CHST8: variants seen among roughly 807,000 people sequenced by gnomAD.
The protein encoded by CHST8 is GALNAC-4-ST1.
A neutral mutation model predicts 15.0 loss-of-function variants in CHST8; 10 were observed. That is an observed-to-expected ratio of 0.67 (90% CI 0.41 to 1.13). The LOEUF (loss-of-function observed/expected upper bound fraction) is 1.13, where lower values mean the gene tolerates loss of function less well. Among genes scored for constraint, CHST8 ranks in the 50% most tolerant of loss-of-function variants. The pLI, the probability that CHST8 is intolerant of heterozygous loss-of-function variation, is 0.00. For missense variants in CHST8, 634 were observed against 608.2 expected (o/e 1.04, Z -0.45); for synonymous variants, 259 against 256.6 (o/e 1.01, Z -0.09).
rs869057036 is a variant in CHST8 at position 33,650,518 on chromosome 19, C to CTTTTTTTTTTT, written c.-163-17230_-163-17220dup. ...TTCTTTTTCTTTTTCTTTTTCTTTT[C>CTTTTTTTTTTT]TTTTTTTTTTTTTTTTTTTTTTTTT... On this transcript the variant is annotated intron_variant, in intron 1 of 4. Transcript: ENST00000650847. Among the ~76,000 whole-genome samples, 248 of 36,138 alleles carry CTTTTTTTTTTT rather than the reference C, an allele frequency of 6.9e-3. 25 individuals carry two copies. Among genetic ancestry groups the CTTTTTTTTTTT allele is most frequent in the Non-Finnish European group, 9.1e-3 (190 of 20,918 alleles). The allele number at this position is 36,138 out of a possible 152,430, so 23.7% of individuals were successfully genotyped here.
chr19:33,757,386 A>AGAAGAAAG lies in CHST8; in HGVS notation c.131-14026_131-14019dup, dbSNP rs1974568981. Among the ~76,000 whole-genome samples the AGAAGAAAG allele has an allele frequency of 8.4e-5, 8 of 95,106 alleles. 2 individuals carry two copies. Among genetic ancestry groups the AGAAGAAAG allele is most frequent in the Non-Finnish European group, 1.5e-4 (7 of 46,300 alleles). The allele number at this position is 95,106 out of a possible 152,430, so 62.4% of individuals were successfully genotyped here. On this transcript the variant is annotated intron_variant, in intron 3 of 4. Coordinates refer to ENST00000650847, the MANE Select transcript of CHST8 (RefSeq NM_001127895.2). ...CAGAGTGAGACGCGGTCTCAAAAAA[A>AGAAGAAAG]GAAGAAAGAAAGAAAGAAAGAAAGA...
In CHST8 at chr19:33,700,149, T is replaced by C. The variant is rs539641593; in HGVS notation, c.130+10758T>C. ...CCAGTTTCCATGGAGCCGGCTGCTT[T>C]CCCCGGGCAGGTGGGTTTTATTGGA... On this transcript the variant is annotated intron_variant, in intron 3 of 4. Coordinates refer to ENST00000650847, the MANE Select transcript of CHST8 (RefSeq NM_001127895.2). Among the ~76,000 whole-genome samples, 4 of 152,312 alleles carry C rather than the reference T, an allele frequency of 2.6e-5. No individual in the cohort carries two copies. In the South Asian group the frequency reaches 8.3e-4, roughly 32 times the overall value.
intron 3 of CHST8, among the ~76,000 whole-genome samples, chr19:33,720,156 G>A (rs961637296): frequency 2.0e-5 from 3 of 152,088 alleles, no homozygotes; most frequent in Non-Finnish European, 2.9e-5. Context: ...CATGGGGAGG[G>A]ACAGGAGGGA....
chr19:33,677,327 T>G (rs1020802849), intron 2 of CHST8, among the ~76,000 whole-genome samples: 1 of 152,228 alleles, frequency 6.6e-6, no homozygotes, highest in African/African-American at 2.4e-5. Flanking sequence ...ACACCTCTTC[T>G]GCCTGTGTCC....
chr19:33,738,670 A>T lies in CHST8; in HGVS notation c.131-32743A>T, dbSNP rs187549758. The stretch of plus-strand genomic sequence containing the variant: ...AGTGGTACGACCTCGGCTCACTGCA[A>T]CCTCCGCCTCCAGGGTTCAAGCAAT... On this transcript the variant is annotated intron_variant, in intron 3 of 4. Transcript: ENST00000650847. 6.4e-3 allele frequency among the ~76,000 whole-genome samples: 973 copies of T among 152,012 alleles called. 7 individuals carry two copies. The highest frequency in any genetic ancestry group is 0.01 in the Non-Finnish European group (697 of 67,960).
intron 3 of CHST8, among the ~76,000 whole-genome samples, chr19:33,732,278 TA>T (rs1338206051): frequency 2.0e-5 from 3 of 152,282 alleles, no homozygotes; most frequent in South Asian, 2.1e-4. Context: ...TCACGCCTAA[TA>T]AATAAGCCCG....
intron 3 of CHST8, among the ~76,000 whole-genome samples, chr19:33,761,515 G>C (rs1225234261): frequency 6.6e-6 from 1 of 152,022 alleles, no homozygotes; most frequent in East Asian, 1.9e-4. Context: ...TTACTTAGTG[G>C]AGATGGGATT....
chr19:33,669,640 TCCTGGA>T (rs1330082033), intron 2 of CHST8, among the ~76,000 whole-genome samples: 1 of 152,212 alleles, frequency 6.6e-6, no homozygotes, highest in African/African-American at 2.4e-5. Context: ...ATCCTCACCT[TCCTGGA>T]AAACTTCCAT....
intron 1 of CHST8, among the ~76,000 whole-genome samples, chr19:33,651,820 T>C (rs1402433536): frequency 6.6e-6 from 1 of 152,196 alleles, no homozygotes; most frequent in East Asian, 1.9e-4. Context: ...CTGGTTAGTA[T>C]ATGATCATTT....
At chr19:33,650,245 G>A (rs139952496) in intron 1 of CHST8, among the ~76,000 whole-genome samples, 1 of 152,192 alleles carries the variant, frequency 6.6e-6, no homozygotes, top group East Asian at 1.9e-4. Context: ...CAGGAACCCA[G>A]TTTTTAAGAT....
At chr19:33,674,627 G>A (rs959845057) in intron 2 of CHST8, among the ~76,000 whole-genome samples, 3 of 152,304 alleles carry the variant, frequency 2.0e-5, no homozygotes, top group Admixed American at 2.0e-4. Flanking sequence ...CTGAGGCGGA[G>A]AGCGGGCGGA....
chr19:33,703,912 CT>C (rs1264607858), intron 3 of CHST8, among the ~76,000 whole-genome samples: 2 of 152,218 alleles, frequency 1.3e-5, no homozygotes, highest in Admixed American at 1.3e-4. Flanking sequence ...CAGTTGTGCC[CT>C]CTGACAGCTG....
chr19:33,708,026 T>A (rs1973479248), intron 3 of CHST8, among the ~76,000 whole-genome samples: 1 of 152,246 alleles, frequency 6.6e-6, no homozygotes, highest in Non-Finnish European at 1.5e-5. Flanking sequence ...CATATTTTCA[T>A]GTGCTTATTA....
chr19:33,663,647 G>T (rs1347951131), intron 1 of CHST8, among the ~76,000 whole-genome samples: 1 of 152,174 alleles, frequency 6.6e-6, no homozygotes, highest in Non-Finnish European at 1.5e-5. Flanking sequence ...GAGGCAGGCG[G>T]ATCACTTGAG....
intron 3 of CHST8, among the ~76,000 whole-genome samples, chr19:33,756,549 C>T (rs147333083): frequency 0.021 from 3,230 of 152,288 alleles, 55 homozygotes; most frequent in East Asian, 0.028. Context: ...GGGGTCCTGG[C>T]AGCATGCTAT....
At chr19:33,762,106 G>A (rs368346478) in intron 3 of CHST8, among the ~76,000 whole-genome samples, 23 of 152,374 alleles carry the variant, frequency 1.5e-4, no homozygotes, top group African/African-American at 5.3e-4. Flanking sequence ...CATGCGACAT[G>A]CACATGTGTA....
chr19:33,702,640 C>G (rs1464016902), intron 3 of CHST8, among the ~76,000 whole-genome samples: 1 of 152,222 alleles, frequency 6.6e-6, no homozygotes, highest in African/African-American at 2.4e-5. Flanking sequence ...CCCCAGGTAG[C>G]CCCAGTGTTG....
At position 33,689,329 on chromosome 19, in the gene CHST8, C is replaced by G; in HGVS notation, c.68C>G (p.Ala23Gly). Residue 23 changes from alanine to glycine, a missense_variant, in exon 3 of 5, where the codon GCA becomes GGA. Physicochemically the swap from Ala to Gly is moderately conservative, Grantham distance 60. Coordinates refer to ENST00000650847, the MANE Select transcript of CHST8 (RefSeq NM_001127895.2). ...MFSSILLFGAAGLLLFISLQD... is the reference protein window; with the variant it reads ...MFSSILLFGAGGLLLFISLQD... ...TCTTCCATCCTGCTGTTCGGAGCTG[C>G]AGGCCTCCTCCTCTTCATCAGCCTG... 1 of 1,609,786 alleles carries G rather than the reference C, an allele frequency of 6.2e-7. No individual in the cohort carries two copies. The highest frequency in any genetic ancestry group is 8.5e-7 in the Non-Finnish European group (1 of 1,178,824).
At chr19:33,670,221 A>G (rs1027677207) in intron 2 of CHST8, among the ~76,000 whole-genome samples, 1 of 152,228 alleles carries the variant, frequency 6.6e-6, no homozygotes, top group South Asian at 2.1e-4. Context: ...ACCCCAATGC[A>G]TTGAGTGCCT....
Sources: allele counts gnomAD v4.1 joint callset (sites outside exome capture counted in the v4.1 genomes callset), GRCh38; gene constraint gnomAD v4.1.1; transcripts MANE v1.5; gene names NCBI Gene and HGNC (gene_info 2026-07-23, HGNC 2026-07-21).